Variants in SRGAP1 observed in about 807,000 individuals in gnomAD.
SRGAP1 encodes SLIT-ROBO Rho GTPase-activating protein 1.
A neutral mutation model predicts 121.9 loss-of-function variants in SRGAP1; 43 were observed. The ratio of observed to expected loss-of-function variants is 0.35; its 90% CI spans 0.28 to 0.46. The LOEUF is 0.46. SRGAP1 is among the 20% of genes least tolerant of loss of function. The probability of loss-of-function intolerance (pLI) is 1.00; values close to 1 mark genes in which losing one functional copy is unlikely to be tolerated. For synonymous variants in SRGAP1, 447 were observed against 485.4 expected (o/e 0.92, Z 1.04); for missense variants, 1,102 against 1,350.9 (o/e 0.82, Z 2.89).
At chr12:63,873,506 C>A (rs900622064) in intron 1 of SRGAP1, among the ~76,000 whole-genome samples, 2 of 144,982 alleles carry the variant, frequency 1.4e-5, no homozygotes, top group African/African-American at 5.1e-5. Flanking sequence ...CCACTCCAAC[C>A]TGGGCATCAA....
chr12:64,009,395 TGAAGAC>T (rs574162957), intron 3 of SRGAP1, among the ~76,000 whole-genome samples: 54 of 152,150 alleles, frequency 3.5e-4, no homozygotes, highest in Admixed American at 1.3e-4. Context: ...GAAATGAAAA[TGAAGAC>T]GCTTGTTTCA....
chr12:64,097,926 G>A (rs2036188888), intron 15 of SRGAP1, among the ~76,000 whole-genome samples: 1 of 152,128 alleles, frequency 6.6e-6, no homozygotes, highest in African/African-American at 2.4e-5. Context: ...CATTGGCAAA[G>A]TAAAGCATTG....
intron 1 of SRGAP1, among the ~76,000 whole-genome samples, chr12:63,965,700 A>G (rs189011670): frequency 1.2e-4 from 19 of 152,344 alleles, no homozygotes; most frequent in African/African-American, 4.6e-4. Context: ...ACAGAAAGTA[A>G]TTGTACTATG....
intron 9 of SRGAP1, 122 bp downstream of exon 9, chr12:64,079,238 A>G: frequency 5.9e-6 from 6 of 1,010,480 alleles, no homozygotes; most frequent in Non-Finnish European, 8.7e-6. Flanking sequence ...CCTGTCTACC[A>G]TCAGAGTTCC....
rs531648689 is a variant in SRGAP1 at position 64,025,505 on chromosome 12, A to G, written c.489+8493A>G. Among the ~76,000 whole-genome samples the G allele has an allele frequency of 2.6e-5, 4 of 152,210 alleles. No homozygotes were observed. In the South Asian group the frequency reaches 8.3e-4, roughly 32 times the overall value. ...TTTGAAACATATATTTCTGTAGTGA[A>G]AATGAAAATTCATTCCTTTGAGACA... On this transcript the variant is annotated intron_variant, in intron 4 of 21. Coordinates refer to ENST00000355086, the MANE Select transcript of SRGAP1 (RefSeq NM_020762.4).
Position 63,913,505 on chromosome 12 carries a change from GT to G in SRGAP1, c.67+68623del, listed in dbSNP as rs2030633982. 2.9e-4 allele frequency among the ~76,000 whole-genome samples: 38 copies of G among 129,340 alleles called. No individual in the cohort carries two copies. In the Admixed American group the frequency reaches 2.9e-3, roughly 10 times the overall value. 84.9% of individuals were successfully genotyped at this position (129,340 alleles called of 152,430 possible). A position where few individuals can be genotyped will look rare whatever the true frequency, so the allele number is the denominator to read the frequency against. On this transcript the variant is annotated intron_variant, in intron 1 of 21. Coordinates refer to ENST00000355086, the MANE Select transcript of SRGAP1 (RefSeq NM_020762.4). ...TATATATATATAAATACACATATAT[GT>G]GTATATATATATACATATATGTGTG... is the stretch of plus-strand genomic sequence containing the variant.
At chr12:64,056,507 C>G (rs1305637682) in intron 6 of SRGAP1, among the ~76,000 whole-genome samples, 1 of 130,576 alleles carries the variant, frequency 7.7e-6, no homozygotes, top group Non-Finnish European at 1.6e-5. Context: ...GAGCTGAGAT[C>G]ATGCCATTGC....
intron 1 of SRGAP1, among the ~76,000 whole-genome samples, chr12:63,906,315 T>G (rs920027825): frequency 6.6e-6 from 1 of 151,370 alleles, no homozygotes; most frequent in Non-Finnish European, 1.5e-5. Flanking sequence ...TTGTTTCTGG[T>G]TTTTTTTGTT....
intron 8 of SRGAP1, among the ~76,000 whole-genome samples, chr12:64,074,448 A>T (rs924228462): frequency 1.3e-5 from 2 of 152,168 alleles, no homozygotes; most frequent in African/African-American, 4.8e-5. Context: ...AAGGTCCTTT[A>T]TTAGCAAGTC....
At chr12:63,990,401 G>A (rs940163004) in intron 3 of SRGAP1, among the ~76,000 whole-genome samples, 3 of 151,976 alleles carry the variant, frequency 2.0e-5, no homozygotes, top group Non-Finnish European at 2.9e-5. Flanking sequence ...GCGTGGTGGC[G>A]CTTGCCTGTA....
rs2136663503 is a variant in SRGAP1, at chr12:64,150,147, C to CGTGT, written c.*7479_*7482dup. 1 of 141,044 alleles carries CGTGT rather than the reference C, an allele frequency of 7.1e-6. No individual in the cohort carries two copies. The highest frequency in any genetic ancestry group is 7.0e-5 in the Admixed American group (1 of 14,346). The allele number at this position is 141,044 out of a possible 1,614,324, so 8.7% of individuals were successfully genotyped here. A position where few individuals can be genotyped will look rare whatever the true frequency, so the allele number is the denominator to read the frequency against. On this transcript the variant is annotated 3_prime_UTR_variant, in exon 22 of 22. Transcript: ENST00000355086. ...ACACATGTGCTTGTGTGCATGTGCA[C>CGTGT]GTGTGTGGGTGGGAGGGTGCGGAGG...
At chr12:64,049,210 C>T (rs996589545) in intron 6 of SRGAP1, among the ~76,000 whole-genome samples, 1 of 152,118 alleles carries the variant, frequency 6.6e-6, no homozygotes, top group Non-Finnish European at 1.5e-5. Context: ...TAGTTTCATT[C>T]TTCTGCATAC....
chr12:63,866,825 C>T (rs1371323944), intron 1 of SRGAP1, among the ~76,000 whole-genome samples: 3 of 151,526 alleles, frequency 2.0e-5, no homozygotes, highest in Non-Finnish European at 2.9e-5. Context: ...CATTTGTTAC[C>T]AGTCTCTGGG....
At chr12:64,138,916 C>A (rs2036908829) in intron 21 of SRGAP1, among the ~76,000 whole-genome samples, 1 of 152,092 alleles carries the variant, frequency 6.6e-6, no homozygotes, top group Non-Finnish European at 1.5e-5. Flanking sequence ...TGGTGAACAA[C>A]CCTTGGTCAT....
chr12:64,012,543 GTTA>G (rs1452406453), intron 3 of SRGAP1, among the ~76,000 whole-genome samples: 2 of 119,608 alleles, frequency 1.7e-5, no homozygotes. Flanking sequence ...AATATTTTAA[GTTA>G]TTATCTTTTT....
chr12:64,059,602 TA>T (rs34665116), intron 6 of SRGAP1, among the ~76,000 whole-genome samples: 5 of 150,904 alleles, frequency 3.3e-5, no homozygotes, highest in South Asian at 2.1e-4. Context: ...CTGGTACATC[TA>T]AAAAAAAAGG....
chr12:64,136,655 A>G (rs550607251), intron 21 of SRGAP1, among the ~76,000 whole-genome samples: 20 of 152,230 alleles, frequency 1.3e-4, no homozygotes, highest in Non-Finnish European at 2.2e-4. Flanking sequence ...TGAGAAGTTT[A>G]ATGTGTTTTT....
At chr12:64,134,764 G>A (rs2036834560) in intron 21 of SRGAP1, among the ~76,000 whole-genome samples, 3 of 152,138 alleles carry the variant, frequency 2.0e-5, no homozygotes, top group Admixed American at 2.0e-4. Flanking sequence ...CTGACTCTAT[G>A]TTCCATCTAC....
chr12:64,078,909 C>A lies in SRGAP1; in HGVS notation c.1126-10C>A. On this transcript the variant is annotated splice_polypyrimidine_tract_variant and intron_variant, in intron 8 of 21. Coordinates refer to ENST00000355086, the MANE Select transcript of SRGAP1 (RefSeq NM_020762.4). The stretch of plus-strand genomic sequence containing the variant: ...ATGTACTAACGTGAGAAATGTATTT[C>A]TATTCCCAGGTTAAGAAAACGACTG... 6.2e-7 allele frequency: 1 copy of A among 1,610,658 alleles called. No homozygotes were observed. The highest frequency in any genetic ancestry group is 1.1e-5 in the South Asian group (1 of 91,050).
Sources: allele counts gnomAD v4.1 joint callset (sites outside exome capture counted in the v4.1 genomes callset), GRCh38; gene constraint gnomAD v4.1.1; transcripts MANE v1.5; gene names NCBI Gene and HGNC (gene_info 2026-07-23, HGNC 2026-07-21).